The following CAP2 variants were observed in gnomAD, a reference collection of about 807,000 sequenced individuals.
The protein encoded by CAP2 is cyclase associated actin cytoskeleton regulatory protein 2, also known as adenylyl cyclase-associated protein 2.
A neutral mutation model predicts 57.7 loss-of-function variants in CAP2; 24 were observed. The ratio of observed to expected loss-of-function variants is 0.42; its 90% CI spans 0.30 to 0.58. The LOEUF (loss-of-function observed/expected upper bound fraction) is 0.58. CAP2 is among the 20% of genes least tolerant of loss of function. The pLI is 0.22. For missense variants in CAP2, 501 were observed against 590.3 expected (o/e 0.85, Z 1.57); for synonymous variants, 194 against 207.2 (o/e 0.94, Z 0.55).
At chr6:17,424,623 T>C (rs535477948) in intron 2 of CAP2, among the ~76,000 whole-genome samples, 36 of 152,288 alleles carry the variant, frequency 2.4e-4, no homozygotes, top group African/African-American at 8.7e-4. Flanking sequence ...AAATTGAAGA[T>C]GAATTATACA....
At chr6:17,494,432 G>A (rs1050828233) in intron 4 of CAP2, among the ~76,000 whole-genome samples, 14 of 152,006 alleles carry the variant, frequency 9.2e-5, no homozygotes, top group South Asian at 2.1e-4. Flanking sequence ...TGTAGTGGCC[G>A]TTTCCTCTCT....
chr6:17,415,832 C>T (rs566999106), intron 1 of CAP2, among the ~76,000 whole-genome samples: 1 of 152,220 alleles, frequency 6.6e-6, no homozygotes, highest in African/African-American at 2.4e-5. Context: ...ATTGACATTG[C>T]GCCATGGAGT....
chr6:17,429,643 T>G (rs1023794357), intron 3 of CAP2, among the ~76,000 whole-genome samples: 3 of 152,170 alleles, frequency 2.0e-5, no homozygotes, highest in Non-Finnish European at 4.4e-5. Context: ...AATGAATATG[T>G]AATGCTTAAG....
intron 4 of CAP2, among the ~76,000 whole-genome samples, chr6:17,489,013 A>G (rs1245282809): frequency 2.0e-5 from 3 of 152,116 alleles, no homozygotes; most frequent in Non-Finnish European, 2.9e-5. Context: ...TCCTACCATT[A>G]CCCGTTTTGC....
chr6:17,425,407 T>A (rs1281502566), intron 2 of CAP2, among the ~76,000 whole-genome samples: 4 of 152,072 alleles, frequency 2.6e-5, no homozygotes, highest in African/African-American at 9.7e-5. Context: ...ACTATGGTTG[T>A]CCCCCCACCC....
intron 3 of CAP2, among the ~76,000 whole-genome samples, chr6:17,456,823 C>T (rs1012531574): frequency 7.2e-5 from 11 of 152,164 alleles, no homozygotes; most frequent in African/African-American, 2.4e-4. Flanking sequence ...TGGCCTTTCC[C>T]CCCGTTGTGC....
chr6:17,543,252 G>C (rs535619999), intron 11 of CAP2, 109 bp downstream of exon 11: 2 of 853,858 alleles, frequency 2.3e-6, no homozygotes, highest in South Asian at 3.0e-5. Context: ...TTCCAACCAC[G>C]CTGTAATAAG....
rs1490667851 is a variant in CAP2 at position 17,414,727 on chromosome 6, G to A, written c.-1-6828G>A. ...CTGCAATAAACATATGTATGCATGT[G>A]TCTTTATAGCAGAATGATTTATAAT... On this transcript the variant is annotated intron_variant, in intron 1 of 12. Coordinates refer to ENST00000229922, the MANE Select transcript of CAP2 (RefSeq NM_006366.3). Among the ~76,000 whole-genome samples, 5 of 152,152 alleles carry A rather than the reference G, an allele frequency of 3.3e-5. No homozygotes were observed. The East Asian group carries it at 7.7e-4, about 23-fold the overall frequency.
At chr6:17,531,606 G>A (rs1762641796) in intron 7 of CAP2, 1 of 1,466,168 alleles carries the variant, frequency 6.8e-7, no homozygotes, top group East Asian at 2.3e-5. Context: ...GGCACAGCAG[G>A]AACCTTCTTC....
rs143721153 is a variant in CAP2 at position 17,554,252 on chromosome 6, G to A, written c.1351-2107G>A. 5.3e-5 allele frequency among the ~76,000 whole-genome samples: 8 copies of A among 152,202 alleles called. No homozygotes were observed. In the East Asian group the frequency reaches 1.6e-3, roughly 30 times the overall value. On this transcript the variant is annotated intron_variant, in intron 12 of 12. Transcript: ENST00000229922. Reference sequence around the variant, plus strand: ...CTCTCAAGTAGCTGGGACTACAGGCGTGTGCCACCACACCCTGCTAATTTT... The same window carrying A: ...CTCTCAAGTAGCTGGGACTACAGGCATGTGCCACCACACCCTGCTAATTTT...
At chr6:17,421,996 C>T (rs910268121) in intron 2 of CAP2, among the ~76,000 whole-genome samples, 2 of 152,240 alleles carry the variant, frequency 1.3e-5, no homozygotes, top group Non-Finnish European at 2.9e-5. Flanking sequence ...CATCTCCCTG[C>T]CTCGGCCTCC....
In CAP2 at chr6:17,466,001, G is replaced by T. The variant is rs557347462; in HGVS notation, c.300+2928G>T. Among the ~76,000 whole-genome samples, 248 of 152,170 alleles carry T rather than the reference G, an allele frequency of 1.6e-3. 2 individuals carry two copies. Among genetic ancestry groups the T allele is most frequent in the African/African-American group, 5.5e-3 (229 of 41,534 alleles). ...CAGACTCTGAACACACATTCAGGTGGATCTGCCGTACAAGATCACTCTCAG... is the reference window on the plus strand; with the variant it reads ...CAGACTCTGAACACACATTCAGGTGTATCTGCCGTACAAGATCACTCTCAG... On this transcript the variant is annotated intron_variant, in intron 4 of 12. Transcript: ENST00000229922.
intron 4 of CAP2, among the ~76,000 whole-genome samples, chr6:17,464,661 A>G (rs73721577): frequency 0.053 from 7,993 of 152,218 alleles, 679 homozygotes; most frequent in African/African-American, 0.18. Context: ...GCCCCCACCC[A>G]AGATGGATAT....
At chr6:17,540,913 C>A (rs1283406624) in intron 8 of CAP2, 60 bp from the exon 9 acceptor site, 1 of 1,480,062 alleles carries the variant, frequency 6.8e-7, no homozygotes, top group Non-Finnish European at 9.2e-7. Context: ...GTTGATCTAG[C>A]AAGTTAGAGA....
chr6:17,420,938 C>T (rs1431524225), intron 1 of CAP2, among the ~76,000 whole-genome samples: 2 of 152,130 alleles, frequency 1.3e-5, no homozygotes, highest in Non-Finnish European at 2.9e-5. Context: ...CATGCACACA[C>T]ATTTATAGCA....
intron 3 of CAP2, among the ~76,000 whole-genome samples, chr6:17,432,127 C>T (rs939865686): frequency 5.9e-5 from 9 of 152,148 alleles, no homozygotes; most frequent in Admixed American, 4.6e-4. Context: ...AATCTTATCT[C>T]TGAAACATAT....
At chr6:17,409,216 A>G (rs1187307764) in intron 1 of CAP2, among the ~76,000 whole-genome samples, 9 of 151,730 alleles carry the variant, frequency 5.9e-5, no homozygotes, top group African/African-American at 2.2e-4. Context: ...TACTAAAAAT[A>G]CAAAAATTCA....
At chr6:17,502,759 A>G (rs1427318770) in intron 4 of CAP2, among the ~76,000 whole-genome samples, 2 of 152,210 alleles carry the variant, frequency 1.3e-5, no homozygotes, top group South Asian at 2.1e-4. Context: ...TGGGCCAGGT[A>G]TCATCAACAA....
intron 4 of CAP2, among the ~76,000 whole-genome samples, chr6:17,504,581 G>A (rs1247956955): frequency 6.6e-6 from 1 of 152,148 alleles, no homozygotes; most frequent in Non-Finnish European, 1.5e-5. Flanking sequence ...ATTGCTAGCT[G>A]GTCTTGACAT....
Sources: gnomAD v4.1 joint callset for allele counts (sites outside exome capture counted in the v4.1 genomes callset) on GRCh38, gnomAD v4.1.1 for gene constraint, MANE v1.5 for transcripts, NCBI Gene and HGNC (gene_info 2026-07-23, HGNC 2026-07-21) for gene names.